Variants in UBE2D3 observed in about 807,000 individuals in gnomAD.
UBE2D3 encodes ubiquitin conjugating enzyme E2 D3.
Under a neutral mutation model 22.8 loss-of-function variants are expected in UBE2D3, and 2 were observed. That is an observed-to-expected ratio of 0.09 (90% CI 0.04 to 0.28). The LOEUF is 0.28. Among genes scored for constraint, UBE2D3 ranks in the 10% least tolerant of loss-of-function variants. The pLI, the probability that UBE2D3 is intolerant of heterozygous loss-of-function variation, is 1.00. For missense variants in UBE2D3, 27 were observed against 182.5 expected (o/e 0.15, Z 4.91); for synonymous variants, 56 against 60.4 (o/e 0.93, Z 0.34).
intron 2 of UBE2D3, chr4:102,813,116 T>A (rs900034871): frequency 2.6e-5 from 4 of 152,202 alleles, no homozygotes; most frequent in African/African-American, 9.7e-5. Context: ...AATAGTATCT[T>A]TTTTAAAAAA....
chr4:102,848,171 C>T (rs1227400323), intron 1 of UBE2D3, among the ~76,000 whole-genome samples: 1 of 152,058 alleles, frequency 6.6e-6, no homozygotes, highest in African/African-American at 2.4e-5. Context: ...TGATACACTC[C>T]TCACCTGCTT....
intron 4 of UBE2D3, among the ~76,000 whole-genome samples, chr4:102,803,664 T>C (rs1484543464): frequency 1.3e-5 from 2 of 152,196 alleles, no homozygotes; most frequent in Non-Finnish European, 2.9e-5. Flanking sequence ...TGCAATGAAA[T>C]GTTATAGGTA....
Position 102,802,636 on chromosome 4 carries a change from A to G in UBE2D3, c.123T>C (p.Asn41=). The part of the protein sequence containing the change: ...FHWQATIMGP[N]DSPYQGGVFF... ...ATACACCGCCTTGATATGGGCTGTCATTCTGTAAAAAGAAAAGTATGCTTA... is the reference window on the plus strand; with the variant it reads ...ATACACCGCCTTGATATGGGCTGTCGTTCTGTAAAAAGAAAAGTATGCTTA... Residue 41 remains asparagine (N), a splice_region_variant and synonymous_variant, in exon 5 of 8, where the codon AAT becomes AAC. Transcript: ENST00000453744. 1 of 1,588,724 alleles carries G rather than the reference A, an allele frequency of 6.3e-7. No homozygotes were observed. The highest frequency in any genetic ancestry group is 8.6e-7 in the Non-Finnish European group (1 of 1,167,164).
intron 4 of UBE2D3, among the ~76,000 whole-genome samples, chr4:102,808,314 C>T (rs964870222): frequency 6.6e-6 from 1 of 152,176 alleles, no homozygotes; most frequent in Non-Finnish European, 1.5e-5. Flanking sequence ...AACTGGGTAA[C>T]TCAACATTTA....
At chr4:102,807,423 G>A (rs867136172) in intron 4 of UBE2D3, among the ~76,000 whole-genome samples, 5 of 152,138 alleles carry the variant, frequency 3.3e-5, no homozygotes, top group African/African-American at 1.2e-4. Context: ...CCCGTACTTT[G>A]GGTGGATTTT....
chr4:102,794,517 C>G lies in UBE2D3; in HGVS notation c.*2898G>C, dbSNP rs545861922. 1.3e-5 allele frequency: 2 copies of G among 152,124 alleles called. No individual in the cohort carries two copies. Among genetic ancestry groups the G allele is most frequent in the African/African-American group, 4.8e-5 (2 of 41,518 alleles). The allele number at this position is 152,124 out of a possible 1,614,324, so 9.4% of individuals were successfully genotyped here. A position where few individuals can be genotyped will look rare whatever the true frequency, so the allele number is the denominator to read the frequency against. ...CTGGGTTCCTCATAAAAGACAAATT[C>G]ACTTAAAAGTGTAATCAACAATCAT... On this transcript the variant is annotated 3_prime_UTR_variant, in exon 8 of 8. Transcript: ENST00000453744.
At chr4:102,857,936 C>T (rs1183247990) in intron 1 of UBE2D3, among the ~76,000 whole-genome samples, 1 of 151,950 alleles carries the variant, frequency 6.6e-6, no homozygotes. Context: ...TCGTGATCCA[C>T]CTGCCTTGGC....
chr4:102,835,861 C>A (rs757755509), intron 1 of UBE2D3, among the ~76,000 whole-genome samples: 12 of 152,078 alleles, frequency 7.9e-5, no homozygotes, highest in Non-Finnish European at 1.3e-4. Context: ...TAAATCCTTT[C>A]TCTTGTTCTT....
chr4:102,835,877 A>G (rs1731366796), intron 1 of UBE2D3, among the ~76,000 whole-genome samples: 1 of 150,748 alleles, frequency 6.6e-6, no homozygotes, highest in African/African-American at 2.4e-5. Context: ...TTCTTCCCCC[A>G]CCCCTCTGTC....
chr4:102,836,173 G>T, intron 1 of UBE2D3, among the ~76,000 whole-genome samples: 1 of 123,436 alleles, frequency 8.1e-6, no homozygotes, highest in African/African-American at 3.1e-5. Context: ...TTGTGACTGA[G>T]TCTCACTCTG....
upstream of UBE2D3, chr4:102,828,150 C>A: frequency 1.0e-6 from 1 of 985,438 alleles, no homozygotes; most frequent in Middle Eastern, 5.2e-4. Flanking sequence ...ATGCTTATGC[C>A]GGTGGTTGGT....
At chr4:102,824,428 T>G (rs1327424617) in intron 2 of UBE2D3, among the ~76,000 whole-genome samples, 1 of 152,244 alleles carries the variant, frequency 6.6e-6, no homozygotes, top group Non-Finnish European at 1.5e-5. Flanking sequence ...ACTTAAAATT[T>G]GTTTTGTTCA....
chr4:102,827,105 C>T (rs2110338048), intron 1 of UBE2D3: 2 of 987,000 alleles, frequency 2.0e-6, no homozygotes, highest in South Asian at 9.1e-5. Context: ...TATTGCTATC[C>T]TCGCAGCGAG....
At chr4:102,798,548 G>C (rs146081452) in intron 7 of UBE2D3, among the ~76,000 whole-genome samples, 2 of 151,288 alleles carry the variant, frequency 1.3e-5, no homozygotes, top group East Asian at 3.9e-4. Flanking sequence ...TAGATGCTTA[G>C]GCTTAAAAGT....
At chr4:102,806,961 CAT>C (rs986486892) in intron 4 of UBE2D3, among the ~76,000 whole-genome samples, 13 of 152,248 alleles carry the variant, frequency 8.5e-5, no homozygotes, top group Middle Eastern at 3.4e-3. Context: ...TAAGCCAGTA[CAT>C]ATGATTATTA....
At position 102,801,566 on chromosome 4, in the gene UBE2D3, CA is replaced by C; in HGVS notation, c.199-8del. 6.3e-7 allele frequency: 1 copy of C among 1,579,634 alleles called. No homozygotes were observed. The highest frequency in any genetic ancestry group is 1.2e-5 in the South Asian group (1 of 85,130). ...TTCTTGTTGTAAATGCAACCTAAAA[CA>C]AAAACTTTTAAGTATTTTATTCAAA... On this transcript the variant is annotated splice_region_variant and splice_polypyrimidine_tract_variant and intron_variant, in intron 5 of 7. Coordinates refer to ENST00000453744, the MANE Select transcript of UBE2D3 (RefSeq NM_181891.3).
chr4:102,809,917 G>A lies in UBE2D3; in HGVS notation c.25-62C>T, dbSNP rs1033314296. On this transcript the variant is annotated intron_variant, in intron 2 of 7. Transcript: ENST00000453744. ...TTAATTTAAGAAAACAAGCAAATGA[G>A]TCCACTGCTTTCAGTTACTTTCACC... 3 of 1,248,550 alleles carry A rather than the reference G, an allele frequency of 2.4e-6. No individual in the cohort carries two copies. In the African/African-American group the frequency reaches 4.6e-5, roughly 19 times the overall value. 77.3% of individuals were successfully genotyped at this position (1,248,550 alleles called of 1,614,324 possible). A position where few individuals can be genotyped will look rare whatever the true frequency, so the allele number is the denominator to read the frequency against.
In UBE2D3 at chr4:102,852,573, C is replaced by G. The variant is rs144539675; in HGVS notation, c.-129+16142G>C. 7.1e-4 allele frequency among the ~76,000 whole-genome samples: 108 copies of G among 152,314 alleles called. 2 individuals carry two copies. The highest frequency in any genetic ancestry group is 2.5e-3 in the African/African-American group (105 of 41,560). ...ATTTAGCAATATCTGGAAATGACAA[C>G]TCATACAACTTGAATTCATTCCTTT... On this transcript the variant is annotated intron_variant, in intron 1 of 7. Transcript: ENST00000338145.
At chr4:102,827,388 C>A in intron 1 of UBE2D3, 39 bp downstream of exon 1, 6 of 986,188 alleles carry the variant, frequency 6.1e-6, no homozygotes, top group Non-Finnish European at 7.2e-6. Context: ...ACTGGGCCGG[C>A]CTCCCTTCCC....
Sources: gnomAD v4.1 joint callset for allele counts (sites outside exome capture counted in the v4.1 genomes callset) on GRCh38, gnomAD v4.1.1 for gene constraint, MANE v1.5 for transcripts, NCBI Gene and HGNC (gene_info 2026-07-23, HGNC 2026-07-21) for gene names.